HS6ST3: variants seen among roughly 807,000 people sequenced by gnomAD.
HS6ST3 encodes the protein heparan-sulfate 6-O-sulfotransferase 3.
In HS6ST3, 12 loss-of-function variants were observed where a neutral mutation model predicts 36.7. That is an observed-to-expected ratio of 0.33 (90% CI 0.21 to 0.53). The LOEUF (loss-of-function observed/expected upper bound fraction) is 0.53. Ranked by LOEUF, HS6ST3 falls within the 20% of genes least tolerant of loss-of-function variation. HS6ST3 has a pLI of 0.95. For synonymous variants in HS6ST3, 240 were observed against 257.5 expected, an observed-to-expected ratio of 0.93 and a Z score of 0.65; for missense variants, 584 against 640.9, an observed-to-expected ratio of 0.91 and a Z score of 0.96.
In HS6ST3 at chr13:96,459,100, T is replaced by TAAAAAAAAAAAAAAAAAAAAAAA. The variant is rs747439262; in HGVS notation, c.707+367534_707+367556dup. Among the ~76,000 whole-genome samples, 66 of 63,872 alleles carry TAAAAAAAAAAAAAAAAAAAAAAA rather than the reference T, an allele frequency of 1.0e-3. 3 individuals carry two copies. The highest frequency in any genetic ancestry group is 3.5e-3 in the South Asian group (6 of 1,732). The allele number at this position is 63,872 out of a possible 152,430, so 41.9% of individuals were successfully genotyped here. A position where few individuals can be genotyped will look rare whatever the true frequency, so the allele number is the denominator to read the frequency against. On this transcript the variant is annotated intron_variant, in intron 1 of 1. Coordinates refer to ENST00000376705, the MANE Select transcript of HS6ST3 (RefSeq NM_153456.4). ...GCCTGGGCGACAGAGCAAGACTGTC[T>TAAAAAAAAAAAAAAAAAAAAAAA]AAAAAAAAAAAAAAAAAAAAAAAAA...
At chr13:96,377,580 T>G (rs1207245608) in intron 1 of HS6ST3, among the ~76,000 whole-genome samples, 2 of 152,154 alleles carry the variant, frequency 1.3e-5, no homozygotes, top group African/African-American at 4.8e-5. Context: ...GTATTGAGAT[T>G]TTTTTCTAAT....
At chr13:96,276,125 C>G (rs2054747471) in intron 1 of HS6ST3, among the ~76,000 whole-genome samples, 1 of 152,094 alleles carries the variant, frequency 6.6e-6, no homozygotes, top group East Asian at 1.9e-4. Context: ...CTCTGACTGC[C>G]CTTTGTTGCT....
intron 1 of HS6ST3, among the ~76,000 whole-genome samples, chr13:96,572,297 T>A (rs1340917334): frequency 6.6e-6 from 1 of 152,230 alleles, no homozygotes; most frequent in Non-Finnish European, 1.5e-5. Flanking sequence ...GCATTATTGC[T>A]ATGAGACTTT....
chr13:96,565,532 A>G (rs947138700), intron 1 of HS6ST3, among the ~76,000 whole-genome samples: 6 of 152,286 alleles, frequency 3.9e-5, no homozygotes, highest in African/African-American at 1.4e-4. Context: ...AAGTTAAAGG[A>G]TACTAAATGC....
chr13:96,574,448 C>A, intron 1 of HS6ST3: 1 of 482,998 alleles, frequency 2.1e-6, no homozygotes. Context: ...TGCTTATTGA[C>A]AGCACTGTTT....
chr13:96,550,771 CTT>C (rs958521603), intron 1 of HS6ST3, among the ~76,000 whole-genome samples: 6 of 149,448 alleles, frequency 4.0e-5, no homozygotes, highest in Non-Finnish European at 8.8e-5. Flanking sequence ...GAGTAAGTAA[CTT>C]TTCAGAAAAA....
chr13:96,460,691 G>T (rs1352254663), intron 1 of HS6ST3, among the ~76,000 whole-genome samples: 1 of 152,114 alleles, frequency 6.6e-6, no homozygotes, highest in Non-Finnish European at 1.5e-5. Flanking sequence ...ACTGTGGGAG[G>T]CCATTACTTC....
rs552110111 is a variant in HS6ST3, at chr13:96,578,193, G to A, written c.708-254297G>A. ...CTTTCCTTGTCAAGAGGACTCAGGA[G>A]TAAACCAAGGAAAACTATTTGGCTC... On this transcript the variant is annotated intron_variant, in intron 1 of 1. Transcript: ENST00000376705. 2.6e-5 allele frequency among the ~76,000 whole-genome samples: 4 copies of A among 152,288 alleles called. No homozygotes were observed. The East Asian group carries it at 7.7e-4, about 29-fold the overall frequency.
chr13:96,442,390 AG>A (rs1248670921), intron 1 of HS6ST3, among the ~76,000 whole-genome samples: 8 of 152,308 alleles, frequency 5.3e-5, no homozygotes, highest in South Asian at 4.1e-4. Context: ...AGAAAAAAAA[AG>A]ATCCACATTT....
chr13:96,677,962 A>T (rs1192969560), intron 1 of HS6ST3, among the ~76,000 whole-genome samples: 1 of 152,064 alleles, frequency 6.6e-6, no homozygotes, highest in Non-Finnish European at 1.5e-5. Flanking sequence ...AGTCCATTTC[A>T]TGCTGCTGTA....
At chr13:96,677,076 A>G (rs1423715463) in intron 1 of HS6ST3, among the ~76,000 whole-genome samples, 1 of 152,114 alleles carries the variant, frequency 6.6e-6, no homozygotes, top group Admixed American at 6.6e-5. Context: ...CATCTCTATG[A>G]GTGGTTGGGG....
intron 1 of HS6ST3, among the ~76,000 whole-genome samples, chr13:96,718,527 A>G (rs767130739): frequency 1.3e-5 from 2 of 152,170 alleles, no homozygotes; most frequent in Non-Finnish European, 2.9e-5. Flanking sequence ...GTAACTACCA[A>G]TTTCTAATTT....
At chr13:96,178,526 T>C (rs2054223443) in intron 1 of HS6ST3, among the ~76,000 whole-genome samples, 1 of 65,774 alleles carries the variant, frequency 1.5e-5, no homozygotes, top group South Asian at 3.8e-4. Context: ...GTAGATCTCA[T>C]GCTTCCTCTT....
intron 1 of HS6ST3, among the ~76,000 whole-genome samples, chr13:96,603,993 TTAAC>T (rs992602851): frequency 5.3e-5 from 8 of 152,208 alleles, no homozygotes; most frequent in African/African-American, 1.9e-4. Flanking sequence ...TAGTGCTCCT[TTAAC>T]TAAATCATAA....
intron 1 of HS6ST3, among the ~76,000 whole-genome samples, chr13:96,722,803 C>G (rs1177705115): frequency 6.6e-6 from 1 of 152,124 alleles, no homozygotes; most frequent in East Asian, 1.9e-4. Flanking sequence ...ATGGCAAAAT[C>G]CCGCCTCTAC....
intron 1 of HS6ST3, among the ~76,000 whole-genome samples, chr13:96,767,189 C>T (rs1017367063): frequency 1.3e-5 from 2 of 152,152 alleles, no homozygotes; most frequent in Non-Finnish European, 2.9e-5. Context: ...AGTAACATAG[C>T]AAGTATTCAA....
chr13:96,269,547 T>A (rs921103082), intron 1 of HS6ST3, among the ~76,000 whole-genome samples: 2 of 151,992 alleles, frequency 1.3e-5, no homozygotes, highest in Non-Finnish European at 2.9e-5. Flanking sequence ...AGAATTTACA[T>A]CTCTGTGATT....
intron 1 of HS6ST3, among the ~76,000 whole-genome samples, chr13:96,465,626 A>G (rs867905465): frequency 3.3e-5 from 5 of 152,188 alleles, no homozygotes; most frequent in African/African-American, 1.2e-4. Flanking sequence ...ATGCTTAGAA[A>G]AATATGGCGT....
intron 1 of HS6ST3, among the ~76,000 whole-genome samples, chr13:96,325,067 A>G (rs1156273580): frequency 6.6e-6 from 1 of 152,176 alleles, no homozygotes; most frequent in Non-Finnish European, 1.5e-5. Context: ...TCACTTACTC[A>G]CCAGTAAAAC....
Sources: allele counts gnomAD v4.1 joint callset (sites outside exome capture counted in the v4.1 genomes callset), GRCh38; gene constraint gnomAD v4.1.1; transcripts MANE v1.5; gene names NCBI Gene and HGNC (gene_info 2026-07-23, HGNC 2026-07-21).